The following GGTA1 variants were observed in gnomAD, a reference collection of about 807,000 sequenced individuals.
GGTA1 encodes the protein glycoprotein alpha-galactosyltransferase 1 (inactive), also known as inactive N-acetyllactosaminide alpha-1,3-galactosyltransferase.
GGTA1 carries 5 observed loss-of-function variants against 2.6 expected under a neutral mutation model. That is an observed-to-expected ratio of 1.92 (90% CI 1.00 to 4.04). GGTA1 has a LOEUF of 4.04. Among genes scored for constraint, GGTA1 ranks in the 30% most tolerant of loss-of-function variants. The probability of loss-of-function intolerance (pLI) is 0.00; values close to 1 mark genes in which losing one functional copy is unlikely to be tolerated. For missense variants in GGTA1, 50 were observed against 16.7 expected (o/e 2.99, Z -3.47); for synonymous variants, 17 against 5.0 (o/e 3.38, Z -3.19).
At chr9:121,447,349 A>C (rs2064856806) in exon 8 of GGTA1, 1 of 152,606 alleles carries the variant, frequency 6.6e-6, no homozygotes, top group Non-Finnish European at 1.5e-5. Context: ...CATGCAGAAG[A>C]GGAAGTCGAC....
intron 5 of GGTA1, among the ~76,000 whole-genome samples, chr9:121,456,510 T>TG (rs944704782): frequency 6.6e-6 from 1 of 152,090 alleles, no homozygotes; most frequent in Non-Finnish European, 1.5e-5. Flanking sequence ...CTCTGCCTCC[T>TG]GGGTTCAAGT....
intron 1 of GGTA1, among the ~76,000 whole-genome samples, chr9:121,492,283 C>T (rs979586522): frequency 2.0e-5 from 3 of 151,934 alleles, no homozygotes; most frequent in African/African-American, 4.8e-5. Flanking sequence ...TCATCGCAGG[C>T]GTTGCTCAGA....
downstream of GGTA1, among the ~76,000 whole-genome samples, chr9:121,454,091 A>G (rs1000320308): frequency 6.6e-6 from 1 of 152,136 alleles, no homozygotes; most frequent in Admixed American, 6.5e-5. Flanking sequence ...GACAGGGGAA[A>G]CACTTTCAGG....
chr9:121,498,502 C>G lies in GGTA1; in HGVS notation c.-10+1148G>C, dbSNP rs913148833. 4.6e-5 allele frequency among the ~76,000 whole-genome samples: 7 copies of G among 152,178 alleles called. No individual in the cohort carries two copies. The South Asian group carries it at 1.0e-3, about 23-fold the overall frequency. On this transcript the variant is annotated intron_variant, in intron 1 of 5. Coordinates refer to ENST00000481799, the MANE Select transcript of GGTA1 (RefSeq NM_001382585.1). ...CTCCTTCGCCATGCACTTGCATTTC[C>G]TTACTCAGAGACTGGAAGGAAGGTC... is the stretch of plus-strand genomic sequence containing the variant.
At chr9:121,462,792 C>T (rs1360100407) in intron 3 of GGTA1, 1 of 152,560 alleles carries the variant, frequency 6.6e-6, no homozygotes, top group African/African-American at 2.4e-5. Context: ...CAGTTAAGTG[C>T]AATACTTTGT....
At chr9:121,495,268 A>T (rs1275396419) in intron 1 of GGTA1, among the ~76,000 whole-genome samples, 1 of 151,732 alleles carries the variant, frequency 6.6e-6, no homozygotes, top group East Asian at 2.0e-4. Flanking sequence ...ATCCTGGGCC[A>T]GGCATGGTGG....
intron 1 of GGTA1, among the ~76,000 whole-genome samples, chr9:121,475,587 T>C (rs111397094): frequency 0.016 from 2,477 of 152,262 alleles, 63 homozygotes; most frequent in African/African-American, 0.057. Context: ...CCAGTTCTGC[T>C]CTGCCATGGA....
intron 1 of GGTA1, among the ~76,000 whole-genome samples, chr9:121,493,601 G>A (rs186759062): frequency 8.8e-4 from 134 of 151,870 alleles, no homozygotes; most frequent in African/African-American, 2.6e-3. Context: ...TGTTTCCCTC[G>A]GGGGTCTTAC....
At chr9:121,497,313 G>A (rs549415622) in intron 1 of GGTA1, among the ~76,000 whole-genome samples, 1 of 152,248 alleles carries the variant, frequency 6.6e-6, no homozygotes, top group East Asian at 1.9e-4. Context: ...TTAATGTCCA[G>A]TCCCCTACTG....
intron 1 of GGTA1, among the ~76,000 whole-genome samples, chr9:121,487,833 A>G (rs1251897946): frequency 6.6e-6 from 1 of 151,460 alleles, no homozygotes; most frequent in Non-Finnish European, 1.5e-5. Flanking sequence ...CTCCTGCCTC[A>G]GCCTCCCACG....
intron 1 of GGTA1, among the ~76,000 whole-genome samples, chr9:121,480,638 C>A (rs1589335492): frequency 6.6e-6 from 1 of 152,302 alleles, no homozygotes; most frequent in East Asian, 1.9e-4. Context: ...CCTCTTCCTC[C>A]CGTTCCCCAG....
intron 1 of GGTA1, among the ~76,000 whole-genome samples, chr9:121,495,490 T>G (rs1320590307): frequency 1.3e-5 from 2 of 152,084 alleles, no homozygotes; most frequent in Non-Finnish European, 2.9e-5. Flanking sequence ...GAGGTTGCAG[T>G]GAGCTGAGAT....
intron 1 of GGTA1, among the ~76,000 whole-genome samples, chr9:121,470,609 A>G (rs761506063): frequency 6.6e-6 from 1 of 152,224 alleles, no homozygotes; most frequent in Non-Finnish European, 1.5e-5. Flanking sequence ...TAACTAAATA[A>G]ATTATGACAG....
intron 1 of GGTA1, among the ~76,000 whole-genome samples, chr9:121,495,147 C>T (rs1030815502): frequency 3.3e-5 from 5 of 151,836 alleles, no homozygotes; most frequent in African/African-American, 1.2e-4. Flanking sequence ...CTCGAACTCC[C>T]GACCTCAGGT....
rs1457264796 is a variant in GGTA1, at chr9:121,499,667, G to A, written c.-27C>T. ...GGACCCACCTGATCCGCAGAACCAGGGCGCCGAGGGCCGGCGCGCGGTGAG... is the reference window on the plus strand; with the variant it reads ...GGACCCACCTGATCCGCAGAACCAGAGCGCCGAGGGCCGGCGCGCGGTGAG... On this transcript the variant is annotated 5_prime_UTR_variant, in exon 1 of 6. Coordinates refer to ENST00000481799, the MANE Select transcript of GGTA1 (RefSeq NM_001382585.1). The A allele has an allele frequency of 6.6e-6, 1 of 152,284 alleles. No homozygotes were observed. The highest frequency in any genetic ancestry group is 1.5e-5 in the Non-Finnish European group (1 of 68,126). 9.4% of individuals were successfully genotyped at this position (152,284 alleles called of 1,614,324 possible).
intron 1 of GGTA1, among the ~76,000 whole-genome samples, chr9:121,470,567 T>C (rs1828367364): frequency 6.6e-6 from 1 of 152,192 alleles, no homozygotes; most frequent in Admixed American, 6.5e-5. Context: ...GTGAAGGAAA[T>C]GAATGAGGCT....
At chr9:121,449,128 A>T (rs1478907334) in intron 7 of GGTA1, among the ~76,000 whole-genome samples, 2 of 152,150 alleles carry the variant, frequency 1.3e-5, no homozygotes, top group African/African-American at 4.8e-5. Context: ...TTGATAGCTC[A>T]TTTATTTTTA....
At chr9:121,488,362 C>T (rs938011567) in intron 1 of GGTA1, among the ~76,000 whole-genome samples, 5 of 152,134 alleles carry the variant, frequency 3.3e-5, no homozygotes, top group Non-Finnish European at 7.3e-5. Flanking sequence ...TGCAGGCTAG[C>T]ACCGTTCTAA....
downstream of GGTA1, among the ~76,000 whole-genome samples, chr9:121,453,134 C>T (rs2064886733): frequency 1.3e-5 from 2 of 152,268 alleles, no homozygotes; most frequent in South Asian, 2.1e-4. Context: ...ACAAAAAGGG[C>T]CCCAGATTAA....
Sources: gnomAD v4.1 joint callset for allele counts (sites outside exome capture counted in the v4.1 genomes callset) on GRCh38, gnomAD v4.1.1 for gene constraint, MANE v1.5 for transcripts, NCBI Gene and HGNC (gene_info 2026-07-23, HGNC 2026-07-21) for gene names.